ZC3H12B: variants seen among roughly 807,000 people sequenced by gnomAD.
ZC3H12B encodes probable ribonuclease ZC3H12B.
In ZC3H12B, 7 loss-of-function variants were observed where a neutral mutation model predicts 43.9. That is an observed-to-expected ratio of 0.16 (90% CI 0.09 to 0.30). The LOEUF is 0.30. ZC3H12B is among the 10% of genes least tolerant of loss of function. The pLI is 1.00. For missense variants in ZC3H12B, 475 were observed against 670.2 expected (o/e 0.71, Z 3.22); for synonymous variants, 222 against 241.7 (o/e 0.92, Z 0.76).
At chrX:65,290,476 T>G in the ZC3H12B span, among the ~76,000 whole-genome samples, 1 of 111,176 alleles carries the variant, frequency 9.0e-6, no homozygotes, top group African/African-American at 3.3e-5. Flanking sequence ...TATGTAGAAT[T>G]ACCATTCACT....
the ZC3H12B span, among the ~76,000 whole-genome samples, chrX:65,309,815 T>C: frequency 8.9e-6 from 1 of 111,987 alleles, no homozygotes; most frequent in Non-Finnish European, 1.9e-5. Flanking sequence ...TCAACTCGAC[T>C]TCATCCCTGG....
At chrX:65,044,591 AAGC>A in the ZC3H12B span, among the ~76,000 whole-genome samples, 3 of 111,642 alleles carry the variant, frequency 2.7e-5, no homozygotes, top group Non-Finnish European at 5.6e-5. Flanking sequence ...GCAAGAGAAT[AAGC>A]AGGGAGACCA....
rs1433663169 is a variant in ZC3H12B at position 65,420,431 on chromosome X, C to T, written n.407+21727C>T. On this transcript the variant is annotated intron_variant and non_coding_transcript_variant, in intron 3 of 5. Transcript: ENST00000617377. ...CTGCTTGTAGAACCTACCAGATAGT[C>T]CACCCAGAATCTGGATGGGCAGATT... Among the ~76,000 whole-genome samples the T allele has an allele frequency of 2.7e-5, 3 of 112,318 alleles. No individual in the cohort carries two copies. The East Asian group carries it at 8.4e-4, about 31-fold the overall frequency.
At chrX:65,182,755 T>C in the ZC3H12B span, among the ~76,000 whole-genome samples, 1 of 110,772 alleles carries the variant, frequency 9.0e-6, no homozygotes. Context: ...TTTAAAAGTT[T>C]GCAAATGACG....
At chrX:65,062,193 G>T in the ZC3H12B span, among the ~76,000 whole-genome samples, 1 of 112,243 alleles carries the variant, frequency 8.9e-6, no homozygotes. Flanking sequence ...TTTGGCTTTT[G>T]TTGCCATTGC....
chrX:65,342,027 A>G, the ZC3H12B span, among the ~76,000 whole-genome samples: 1 of 111,214 alleles, frequency 9.0e-6, no homozygotes, highest in African/African-American at 3.3e-5. Flanking sequence ...CCAGTCTCAC[A>G]TGGAATGACA....
chrX:65,177,671 A>G, the ZC3H12B span, among the ~76,000 whole-genome samples: 1 of 111,870 alleles, frequency 8.9e-6, no homozygotes, highest in Non-Finnish European at 1.9e-5. Flanking sequence ...AATGCCAATC[A>G]CAATTGTGAC....
chrX:65,313,888 G>T, the ZC3H12B span, among the ~76,000 whole-genome samples: 1 of 111,911 alleles, frequency 8.9e-6, no homozygotes, highest in Non-Finnish European at 1.9e-5. Flanking sequence ...CTTTAAATCA[G>T]ATATTATAAC....
chrX:65,270,711 T>C, the ZC3H12B span, among the ~76,000 whole-genome samples: 4 of 111,268 alleles, frequency 3.6e-5, no homozygotes, highest in African/African-American at 1.3e-4. Flanking sequence ...AACAAAGAGA[T>C]AGAAAATATT....
At chrX:65,380,250 G>A (rs2066417288) in intron 2 of ZC3H12B, among the ~76,000 whole-genome samples, 1 of 112,274 alleles carries the variant, frequency 8.9e-6, no homozygotes, top group Admixed American at 9.5e-5. Context: ...CAGACTAACA[G>A]CAGATCTCTC....
At chrX:65,458,447 ACATAGTTGGAAGTAAAG>A (rs1395952880) in intron 3 of ZC3H12B, among the ~76,000 whole-genome samples, 1 of 111,746 alleles carries the variant, frequency 8.9e-6, no homozygotes, top group Non-Finnish European at 1.9e-5. Flanking sequence ...AAAATTGACC[ACATAGTTGGAAGTAAAG>A]CACTCCTCAG....
the ZC3H12B span, among the ~76,000 whole-genome samples, chrX:65,041,925 T>A: frequency 1.8e-5 from 2 of 112,106 alleles, no homozygotes; most frequent in African/African-American, 6.5e-5. Context: ...TCTGGCTAAC[T>A]TATTAAAGTT....
chrX:65,257,342 C>A, the ZC3H12B span, among the ~76,000 whole-genome samples: 1 of 111,461 alleles, frequency 9.0e-6, no homozygotes, highest in Non-Finnish European at 1.9e-5. Context: ...TCTGAGCATA[C>A]TATCGCAAGG....
upstream of ZC3H12B, among the ~76,000 whole-genome samples, chrX:65,364,711 T>A (rs946303677): frequency 4.5e-5 from 5 of 111,489 alleles, no homozygotes; most frequent in Non-Finnish European, 9.4e-5. Context: ...CTAGCCCGCC[T>A]CTTAGAACCT....
chrX:65,396,298 G>A (rs779149983), intron 2 of ZC3H12B, among the ~76,000 whole-genome samples: 2 of 111,454 alleles, frequency 1.8e-5, no homozygotes, highest in East Asian at 2.8e-4. Context: ...AGATCTTTTC[G>A]GCTTTCTGAT....
chrX:65,165,830 C>G, the ZC3H12B span, among the ~76,000 whole-genome samples: 1 of 111,891 alleles, frequency 8.9e-6, no homozygotes, highest in Non-Finnish European at 1.9e-5. Flanking sequence ...ATTGCTTGGT[C>G]AAATGGTATT....
the ZC3H12B span, among the ~76,000 whole-genome samples, chrX:65,292,398 G>A: frequency 2.2e-4 from 25 of 111,476 alleles, no homozygotes; most frequent in African/African-American, 7.8e-4. Flanking sequence ...AATACGGCAT[G>A]TTCTCACTAT....
At chrX:65,129,214 A>G in the ZC3H12B span, among the ~76,000 whole-genome samples, 24 of 99,691 alleles carry the variant, frequency 2.4e-4, no homozygotes, top group East Asian at 7.0e-3. Flanking sequence ...CTCTTTGTAT[A>G]TCAATTTTAA....
At chrX:65,298,942 G>T in the ZC3H12B span, among the ~76,000 whole-genome samples, 11 of 111,384 alleles carry the variant, frequency 9.9e-5, no homozygotes, top group African/African-American at 2.0e-4. Context: ...GATCTCATGA[G>T]AACTCACTCA....
Sources: gnomAD v4.1 joint callset for allele counts (sites outside exome capture counted in the v4.1 genomes callset) on GRCh38, gnomAD v4.1.1 for gene constraint, MANE v1.5 for transcripts, NCBI Gene and HGNC (gene_info 2026-07-23, HGNC 2026-07-21) for gene names.